OOSP4A: variants seen among roughly 807,000 people sequenced by gnomAD.
OOSP4A encodes the protein oocyte secreted protein family member 4A.
intron 3 of OOSP4A, among the ~76,000 whole-genome samples, chr11:59,968,123 T>C (rs1854120117): frequency 6.6e-6 from 1 of 152,176 alleles, no homozygotes; most frequent in African/African-American, 2.4e-5. Flanking sequence ...GAGGGTTTAG[T>C]ATAATCTGAG....
chr11:59,968,633 G>A (rs1041136753), intron 3 of OOSP4A, among the ~76,000 whole-genome samples: 4 of 152,156 alleles, frequency 2.6e-5, no homozygotes, highest in South Asian at 2.1e-4. Context: ...CATGTCTCTC[G>A]TGTCATTCTA....
Position 59,969,131 on chromosome 11 carries a change from A to AT in OOSP4A, c.345-12dup, listed in dbSNP as rs369627620. On this transcript the variant is annotated intron_variant, in intron 3 of 4. Transcript: ENST00000645590. Reference sequence around the variant, plus strand: ...CATAATATATACAAAGCTTAAATATATTTTTTTCTCTTTTTCAGAAGGTTT... The same window carrying AT: ...CATAATATATACAAAGCTTAAATATATTTTTTTTCTCTTTTTCAGAAGGTTT... 3 of 398,400 alleles carry AT rather than the reference A, an allele frequency of 7.5e-6. No individual in the cohort carries two copies. The highest frequency in any genetic ancestry group is 8.9e-6 in the Non-Finnish European group (2 of 225,678). 24.7% of individuals were successfully genotyped at this position (398,400 alleles called of 1,614,324 possible).
At chr11:59,967,404 G>C (rs1194753684) in intron 3 of OOSP4A, among the ~76,000 whole-genome samples, 1 of 152,162 alleles carries the variant, frequency 6.6e-6, no homozygotes, top group Non-Finnish European at 1.5e-5. Flanking sequence ...TCACTAAAGA[G>C]ATTATGTCAG....
chr11:59,966,468 C>T (rs1314656944), intron 2 of OOSP4A, among the ~76,000 whole-genome samples: 1 of 151,500 alleles, frequency 6.6e-6, no homozygotes, highest in Non-Finnish European at 1.5e-5. Context: ...AAATCAGACT[C>T]TGACTCTTTT....
At chr11:59,969,653 A>G (rs2134587661) in intron 4 of OOSP4A, among the ~76,000 whole-genome samples, 1 of 152,306 alleles carries the variant, frequency 6.6e-6, no homozygotes, top group Middle Eastern at 3.4e-3. Context: ...TTCTAAAAGA[A>G]CTAAATGTCA....
intron 2 of OOSP4A, among the ~76,000 whole-genome samples, 162 bp downstream of exon 2, chr11:59,965,875 C>T (rs1854093441): frequency 6.6e-6 from 1 of 152,194 alleles, no homozygotes; most frequent in African/African-American, 2.4e-5. Flanking sequence ...TTGCTTCTAT[C>T]TGTAGGAAAG....
exon 2 of OOSP4A, chr11:59,965,561 C>T: frequency 2.5e-6 from 1 of 398,536 alleles, no homozygotes; most frequent in Non-Finnish European, 4.4e-6. Flanking sequence ...TGAATCCTGG[C>T]TCCAGGTCAA....
At chr11:59,968,778 T>C (rs2134586882) in intron 3 of OOSP4A, among the ~76,000 whole-genome samples, 1 of 152,338 alleles carries the variant, frequency 6.6e-6, no homozygotes, top group South Asian at 2.1e-4. Flanking sequence ...CTTATCCCTC[T>C]GTCATAGGCT....
At chr11:59,970,258 TG>T (rs1188721008), downstream of OOSP4A, 1 of 391,374 alleles carries the variant, frequency 2.6e-6, no homozygotes, top group Non-Finnish European at 4.5e-6. Flanking sequence ...CCTGCTCTGT[TG>T]TCCATATTTA....
exon 3 of OOSP4A, chr11:59,967,121 T>G (rs1854109378): frequency 2.5e-6 from 1 of 398,232 alleles, no homozygotes; most frequent in Non-Finnish European, 4.4e-6. Flanking sequence ...ACCAACGAAT[T>G]TTGACTTCAA....
At chr11:59,968,456 T>TA (rs1484907556) in intron 3 of OOSP4A, among the ~76,000 whole-genome samples, 5 of 152,240 alleles carry the variant, frequency 3.3e-5, no homozygotes, top group African/African-American at 1.2e-4. Flanking sequence ...GGTTGTTTTT[T>TA]ATTCCAATAT....
chr11:59,968,190 AAG>A (rs1854120734), intron 3 of OOSP4A, among the ~76,000 whole-genome samples: 1 of 152,180 alleles, frequency 6.6e-6, no homozygotes, highest in South Asian at 2.1e-4. Flanking sequence ...GACAGGATGA[AAG>A]AGGTTGGGTC....
chr11:59,965,728 T>C lies in OOSP4A; in HGVS notation c.246+15T>C, dbSNP rs540912643. 6 of 398,430 alleles carry C rather than the reference T, an allele frequency of 1.5e-5. No homozygotes were observed. Among genetic ancestry groups the C allele is most frequent in the African/African-American group, 1.0e-4 (5 of 48,744 alleles). 24.7% of individuals were successfully genotyped at this position (398,430 alleles called of 1,614,324 possible). A position where few individuals can be genotyped will look rare whatever the true frequency, so the allele number is the denominator to read the frequency against. ...TCAGAGTGAGCGTAAGAGCAGTTAT[T>C]ATTTCAACCAATAATATATCTTTTG... On this transcript the variant is annotated intron_variant, in intron 2 of 4. Transcript: ENST00000645590.
chr11:59,965,673 G>A (rs1261312798), exon 2 of OOSP4A: 2 of 398,348 alleles, frequency 5.0e-6, no homozygotes, highest in Non-Finnish European at 8.8e-6. Flanking sequence ...GATTTCTTTG[G>A]GTTCCTGTAT....
At chr11:59,964,148 CTTTTTTTTTT>C (rs397848906) in intron 1 of OOSP4A, 49 bp downstream of exon 1, 1 of 310,664 alleles carries the variant, frequency 3.2e-6, no homozygotes, top group Non-Finnish European at 5.5e-6. Context: ...ATCAGCAGGG[CTTTTTTTTTT>C]TTTTTTTTTT....
At chr11:59,965,747 TC>T in intron 2 of OOSP4A, 34 bp downstream of exon 2, 1 of 398,264 alleles carries the variant, frequency 2.5e-6, no homozygotes, top group Non-Finnish European at 4.4e-6. Flanking sequence ...CAATAATATA[TC>T]TTTTGACTGT....
intron 1 of OOSP4A, among the ~76,000 whole-genome samples, chr11:59,965,133 G>A (rs1854084891): frequency 8.4e-6 from 1 of 119,480 alleles, no homozygotes; most frequent in Non-Finnish European, 1.6e-5. Flanking sequence ...ACACACCGGG[G>A]CCTGTTGTGG....
intron 1 of OOSP4A, 150 bp from the exon 2 acceptor site, chr11:59,965,385 T>C: frequency 5.1e-6 from 2 of 394,268 alleles, no homozygotes; most frequent in East Asian, 7.2e-5. Flanking sequence ...TGACCCAAGA[T>C]CTCCCAGTGG....
At chr11:59,969,025 T>G in intron 3 of OOSP4A, 125 bp from the exon 4 acceptor site, 1 of 394,288 alleles carries the variant, frequency 2.5e-6, no homozygotes, top group Non-Finnish European at 4.5e-6. Context: ...AGCTAGCTGA[T>G]TTGGCATTCT....
Sources: gnomAD v4.1 joint callset for allele counts (sites outside exome capture counted in the v4.1 genomes callset) on GRCh38, gnomAD v4.1.1 for gene constraint, MANE v1.5 for transcripts, NCBI Gene and HGNC (gene_info 2026-07-23, HGNC 2026-07-21) for gene names.